Variants in SIL1 observed in about 807,000 individuals in gnomAD.
SIL1 encodes nucleotide exchange factor SIL1.
SIL1 carries 40 observed loss-of-function variants against 49.1 expected under a neutral mutation model. The ratio of observed to expected loss-of-function variants is 0.81; its 90% CI spans 0.63 to 1.06. SIL1 has a LOEUF of 1.06. SIL1 is among the 50% of genes least tolerant of loss of function. The probability of loss-of-function intolerance (pLI) is 0.00; values close to 1 mark genes in which losing one functional copy is unlikely to be tolerated. For synonymous variants in SIL1, 253 were observed against 250.8 expected, an observed-to-expected ratio of 1.01 and a Z score of -0.08; for missense variants, 500 against 572.6, an observed-to-expected ratio of 0.87 and a Z score of 1.29.
chr5:138,948,149 G>A lies in SIL1; in HGVS notation c.1030-676C>T, dbSNP rs1049999327. ...TAACTCCAGGGGAGAATGAAGCACA[G>A]GGAAGATGCACAAGGCAAGAGGGAA... On this transcript the variant is annotated intron_variant, in intron 9 of 9. Coordinates refer to ENST00000394817, the MANE Select transcript of SIL1 (RefSeq NM_022464.5). The surrounding 1 kb of genome is among the most constrained non-coding windows in gnomAD (Gnocchi z 4.8). Among the ~76,000 whole-genome samples, 1 of 152,200 alleles carries A rather than the reference G, an allele frequency of 6.6e-6. No homozygotes were observed. Among genetic ancestry groups the A allele is most frequent in the African/African-American group, 2.4e-5 (1 of 41,444 alleles).
chr5:138,990,749 T>C (rs2150405359), intron 7 of SIL1, among the ~76,000 whole-genome samples: 1 of 152,338 alleles, frequency 6.6e-6, no homozygotes, highest in Non-Finnish European at 1.5e-5. Context: ...CTTTTCTTCG[T>C]GACAGAGTCT....
chr5:138,996,760 C>A (rs373184633), intron 7 of SIL1, among the ~76,000 whole-genome samples: 1 of 151,906 alleles, frequency 6.6e-6, no homozygotes, highest in South Asian at 2.1e-4. Flanking sequence ...CCTTGTGATC[C>A]GCCTGCCTCG....
At chr5:139,165,979 ATT>A (rs954046497) in intron 1 of SIL1, among the ~76,000 whole-genome samples, 15 of 152,110 alleles carry the variant, frequency 9.9e-5, no homozygotes, top group Admixed American at 6.5e-4. Flanking sequence ...TCTTAAATGT[ATT>A]TGATTGATGT....
intron 5 of SIL1, among the ~76,000 whole-genome samples, chr5:139,033,825 A>T (rs1424699690): frequency 6.6e-6 from 1 of 152,218 alleles, no homozygotes; most frequent in African/African-American, 2.4e-5. Flanking sequence ...ATAAATGTCA[A>T]TTAAATTTTT....
intron 1 of SIL1, among the ~76,000 whole-genome samples, chr5:139,190,392 G>A (rs903573955): frequency 2.0e-5 from 3 of 152,222 alleles, no homozygotes; most frequent in Admixed American, 6.5e-5. Flanking sequence ...AAAACAGCAC[G>A]ACAGCAAAAA....
chr5:139,150,866 G>A (rs1204312935), intron 1 of SIL1, among the ~76,000 whole-genome samples: 3 of 152,120 alleles, frequency 2.0e-5, no homozygotes, highest in African/African-American at 7.2e-5. Context: ...TCCCAGGCAA[G>A]GCAAGCTTGG....
chr5:139,186,374 C>A (rs1009262933), intron 1 of SIL1, among the ~76,000 whole-genome samples: 1 of 152,172 alleles, frequency 6.6e-6, no homozygotes, highest in Non-Finnish European at 1.5e-5. Flanking sequence ...CCTCCCCCAC[C>A]TTTATTATTT....
intron 1 of SIL1, among the ~76,000 whole-genome samples, chr5:139,188,354 A>G (rs1475652934): frequency 6.6e-6 from 1 of 152,214 alleles, no homozygotes; most frequent in Admixed American, 6.5e-5. Flanking sequence ...GAAAAAGACA[A>G]TGGCATTTTC....
chr5:139,050,635 T>C (rs1769264546), intron 4 of SIL1, among the ~76,000 whole-genome samples: 1 of 152,262 alleles, frequency 6.6e-6, no homozygotes, highest in Non-Finnish European at 1.5e-5. Context: ...CTGTAATCAG[T>C]GCATTAATTG....
intron 1 of SIL1, among the ~76,000 whole-genome samples, chr5:139,182,132 T>C (rs1481468701): frequency 1.3e-5 from 2 of 152,220 alleles, no homozygotes; most frequent in South Asian, 2.1e-4. Context: ...AGGGCAGTAG[T>C]AGCCCGGGGG....
At chr5:139,061,333 G>A (rs375988888) in intron 3 of SIL1, among the ~76,000 whole-genome samples, 15 of 152,218 alleles carry the variant, frequency 9.9e-5, no homozygotes, top group African/African-American at 2.9e-4. Flanking sequence ...TTGGCATTAA[G>A]AGCTTTGGTA....
At chr5:139,055,239 T>C (rs1442966028) in intron 3 of SIL1, among the ~76,000 whole-genome samples, 2 of 152,176 alleles carry the variant, frequency 1.3e-5, no homozygotes, top group Admixed American at 6.5e-5. Flanking sequence ...CCTGTCCATA[T>C]TGAGTAAGGC....
chr5:139,012,380 C>T (rs2150421005), intron 7 of SIL1: 1 of 152,240 alleles, frequency 6.6e-6, no homozygotes, highest in South Asian at 2.1e-4. Context: ...ATCTTGGAAG[C>T]TAAGCAAGGT....
At chr5:139,074,484 T>C (rs1361119069) in intron 3 of SIL1, among the ~76,000 whole-genome samples, 6 of 152,186 alleles carry the variant, frequency 3.9e-5, no homozygotes, top group South Asian at 2.1e-4. Context: ...CTGACAGATA[T>C]TTTGCTAGGG....
rs149753026 is a variant in SIL1, at chr5:138,975,045, C to T, written c.768-23161G>A. On this transcript the variant is annotated intron_variant, in intron 7 of 9. Coordinates refer to ENST00000394817, the MANE Select transcript of SIL1 (RefSeq NM_022464.5). ...TTTGCCACACACCTCTTACCTCTCC[C>T]ACTTTTAAGAGTCTTCCTTACACAA... Among the ~76,000 whole-genome samples the T allele has an allele frequency of 1.4e-4, 21 of 152,304 alleles. No homozygotes were observed. In the East Asian group the frequency reaches 3.9e-3, roughly 28 times the overall value.
At chr5:138,987,931 G>C (rs548645829) in intron 7 of SIL1, among the ~76,000 whole-genome samples, 94 of 152,266 alleles carry the variant, frequency 6.2e-4, no homozygotes, top group African/African-American at 2.1e-3. Context: ...CCATCTCCCG[G>C]GTTCAAGCAA....
chr5:139,002,609 T>G (rs1035479309), intron 7 of SIL1, among the ~76,000 whole-genome samples: 1 of 152,198 alleles, frequency 6.6e-6, no homozygotes, highest in East Asian at 1.9e-4. Flanking sequence ...GGGAAATATT[T>G]GCAAAACAGA....
At chr5:139,189,520 T>A (rs1212294411) in intron 1 of SIL1, among the ~76,000 whole-genome samples, 2 of 152,224 alleles carry the variant, frequency 1.3e-5, no homozygotes, top group Admixed American at 6.5e-5. Context: ...TTTCATTACA[T>A]ACTATAATGT....
At chr5:139,041,336 C>T (rs1769044027) in intron 5 of SIL1, among the ~76,000 whole-genome samples, 1 of 152,208 alleles carries the variant, frequency 6.6e-6, no homozygotes, top group Admixed American at 6.5e-5. Context: ...ACTTCTTAAA[C>T]AGGTAAACAC....
Sources: allele counts gnomAD v4.1 joint callset (sites outside exome capture counted in the v4.1 genomes callset), GRCh38; gene constraint gnomAD v4.1.1; non-coding constraint Gnocchi (gnomAD v3.1); transcripts MANE v1.5; gene names NCBI Gene and HGNC (gene_info 2026-07-23, HGNC 2026-07-21).